Variants in TAX1BP1 observed in about 807,000 individuals in gnomAD.
TAX1BP1 encodes the protein tax1-binding protein 1.
A neutral mutation model predicts 97.7 loss-of-function variants in TAX1BP1; 62 were observed. The ratio of observed to expected loss-of-function variants is 0.63; its 90% CI spans 0.52 to 0.78. The LOEUF is 0.78. Ranked by LOEUF, TAX1BP1 falls within the 30% of genes least tolerant of loss-of-function variation. The pLI is 0.00. For missense variants in TAX1BP1, 867 were observed against 916.1 expected, an observed-to-expected ratio of 0.95 and a Z score of 0.69; for synonymous variants, 340 against 304.2, an observed-to-expected ratio of 1.12 and a Z score of -1.23.
chr7:27,811,562 T>G (rs1790560990), intron 13 of TAX1BP1, among the ~76,000 whole-genome samples: 2 of 151,834 alleles, frequency 1.3e-5, no homozygotes, highest in Non-Finnish European at 2.9e-5. Flanking sequence ...TCTTATATCC[T>G]TTGTTAATAA....
intron 15 of TAX1BP1, among the ~76,000 whole-genome samples, chr7:27,827,197 A>T (rs189556328): frequency 4.2e-4 from 64 of 152,252 alleles, no homozygotes; most frequent in Non-Finnish European, 6.8e-4. Context: ...ACTAAAAAAT[A>T]CAAAAATTAG....
intron 2 of TAX1BP1, among the ~76,000 whole-genome samples, chr7:27,749,482 A>G (rs757819236): frequency 6.6e-6 from 1 of 152,128 alleles, no homozygotes; most frequent in African/African-American, 2.4e-5. Context: ...TGAAATTTTG[A>G]TTGTCTAATC....
chr7:27,827,804 T>G lies in TAX1BP1; in HGVS notation c.2152T>G (p.Phe718Val). Residue 718 changes from phenylalanine (F) to valine (V), a missense_variant, in exon 16 of 17, where the codon TTT becomes GTT. By Grantham distance (50) the Phe-to-Val change is conservative. Transcript: ENST00000396319. ...ACATTTACGTGGGCATGGGACAGGC[T>G]TTTGCTTTGATTCCAGGTAGTTTTC... Reference protein sequence around the residue: ...SQHLRGHGTGFCFDSSFDVHK... With the variant: ...SQHLRGHGTGVCFDSSFDVHK... 2 of 1,613,818 alleles carry G rather than the reference T, an allele frequency of 1.2e-6. No individual in the cohort carries two copies.
At position 27,769,542 on chromosome 7, in the gene TAX1BP1, T is replaced by G. The variant is rs1209710896; in HGVS notation, c.454-134T>G. ...AAGGCTAAAAAAAGGCTGATTGATATAAAGTAGGTAGAATGTAAGAGTTCT... is the reference window on the plus strand; with the variant it reads ...AAGGCTAAAAAAAGGCTGATTGATAGAAAGTAGGTAGAATGTAAGAGTTCT... On this transcript the variant is annotated intron_variant, in intron 4 of 16. Transcript: ENST00000396319. 12 of 666,720 alleles carry G rather than the reference T, an allele frequency of 1.8e-5. No homozygotes were observed. The East Asian group carries it at 3.2e-4, about 18-fold the overall frequency. 41.3% of individuals were successfully genotyped at this position (666,720 alleles called of 1,614,324 possible).
chr7:27,751,316 A>G (rs1481035462), intron 2 of TAX1BP1, among the ~76,000 whole-genome samples: 2 of 152,234 alleles, frequency 1.3e-5, no homozygotes, highest in African/African-American at 4.8e-5. Flanking sequence ...AAGGAAGAAA[A>G]TAATCATGCT....
chr7:27,788,343 A>T (rs1259144415), intron 8 of TAX1BP1, among the ~76,000 whole-genome samples: 1 of 152,040 alleles, frequency 6.6e-6, no homozygotes, highest in Non-Finnish European at 1.5e-5. Context: ...CTGTCTCTAT[A>T]TAGGTGCCTT....
chr7:27,791,505 G>T (rs1231275044), intron 8 of TAX1BP1, among the ~76,000 whole-genome samples: 1 of 152,022 alleles, frequency 6.6e-6, no homozygotes, highest in Non-Finnish European at 1.5e-5. Flanking sequence ...TTAGAACTAA[G>T]GCCTAAATCT....
At chr7:27,766,540 A>G (rs1468120310) in intron 4 of TAX1BP1, among the ~76,000 whole-genome samples, 1 of 151,004 alleles carries the variant, frequency 6.6e-6, no homozygotes, top group East Asian at 1.9e-4. Context: ...TTTTGGCCAC[A>G]ATTATGCTGT....
chr7:27,792,117 C>T lies in TAX1BP1; in HGVS notation c.1150C>T (p.Arg384Ter), dbSNP rs1254830196. The change falls in exon 9 of 17, where the codon CGA becomes TGA. Residue 384 changes from arginine to a stop codon, truncating the protein, a stop_gained. Coordinates refer to ENST00000396319, the MANE Select transcript of TAX1BP1 (RefSeq NM_006024.7). LOFTEE classifies it high-confidence loss of function. The stretch of plus-strand genomic sequence containing the variant: ...AGAACTCAGTGATGCTGTCAACGTA[C>T]GAGACAGAACGATGGCAGACCTGCA... ...AKELSDAVNV[R>*]DRTMADLHTA... 3.1e-6 allele frequency: 5 copies of T among 1,613,942 alleles called. No individual in the cohort carries two copies. The highest frequency in any genetic ancestry group is 2.2e-5 in the South Asian group (2 of 91,080).
In TAX1BP1 at chr7:27,828,905, G is replaced by T; in HGVS notation, c.*76G>T. ...AACCACACCTAAAATAGACCACTGA[G>T]GAGACCATAGAGCGGATGCTTTCAT... On this transcript the variant is annotated 3_prime_UTR_variant, in exon 17 of 17. Coordinates refer to ENST00000396319, the MANE Select transcript of TAX1BP1 (RefSeq NM_006024.7). 8.1e-7 allele frequency: 1 copy of T among 1,236,082 alleles called. No individual in the cohort carries two copies. The highest frequency in any genetic ancestry group is 2.4e-5 in the East Asian group (1 of 41,730). 76.6% of individuals were successfully genotyped at this position (1,236,082 alleles called of 1,614,324 possible). A position where few individuals can be genotyped will look rare whatever the true frequency, so the allele number is the denominator to read the frequency against.
At chr7:27,748,418 C>A in intron 1 of TAX1BP1, 100 bp from the exon 2 acceptor site, 2 of 789,282 alleles carry the variant, frequency 2.5e-6, no homozygotes, top group Non-Finnish European at 3.6e-6. Flanking sequence ...TTATGACATG[C>A]AAATATTCAT....
intron 1 of TAX1BP1, among the ~76,000 whole-genome samples, chr7:27,742,676 C>T (rs183140723): frequency 6.6e-5 from 10 of 152,300 alleles, no homozygotes; most frequent in Admixed American, 1.3e-4. Flanking sequence ...CCATGTTGGT[C>T]AGGCTAGTGT....
chr7:27,751,127 A>C (rs1415659340), intron 2 of TAX1BP1, among the ~76,000 whole-genome samples: 1 of 152,172 alleles, frequency 6.6e-6, no homozygotes, highest in Non-Finnish European at 1.5e-5. Context: ...TTGCTTTGGT[A>C]ATGCTAAACT....
At chr7:27,763,399 T>C (rs1273601764) in intron 3 of TAX1BP1, among the ~76,000 whole-genome samples, 7 of 152,226 alleles carry the variant, frequency 4.6e-5, no homozygotes, top group African/African-American at 1.4e-4. Context: ...CTCTGAATAA[T>C]TATGTCTATC....
At chr7:27,804,967 T>C (rs1790280105) in intron 13 of TAX1BP1, among the ~76,000 whole-genome samples, 1 of 152,220 alleles carries the variant, frequency 6.6e-6, no homozygotes, top group African/African-American at 2.4e-5. Context: ...TTACAAATAA[T>C]ACTGCAATGA....
intron 13 of TAX1BP1, among the ~76,000 whole-genome samples, chr7:27,809,921 T>G (rs531977122): frequency 3.8e-4 from 58 of 152,176 alleles, no homozygotes; most frequent in African/African-American, 1.1e-3. Context: ...TTTTTTTTTT[T>G]GGGAGACGGA....
At chr7:27,752,359 C>T (rs1478371474) in intron 2 of TAX1BP1, among the ~76,000 whole-genome samples, 1 of 152,182 alleles carries the variant, frequency 6.6e-6, no homozygotes, top group Non-Finnish European at 1.5e-5. Flanking sequence ...GGAATAATGT[C>T]ATAGGGAATC....
At chr7:27,803,024 G>T (rs1048921910) in intron 13 of TAX1BP1, 2 of 1,281,002 alleles carry the variant, frequency 1.6e-6, no homozygotes, top group Admixed American at 2.8e-5. Context: ...AATTATTTTC[G>T]TAAAACAGTA....
intron 8 of TAX1BP1, among the ~76,000 whole-genome samples, chr7:27,791,129 T>A (rs1789690205): frequency 6.6e-6 from 1 of 152,148 alleles, no homozygotes; most frequent in Non-Finnish European, 1.5e-5. Context: ...GTTGGCGATC[T>A]TTTTATAGGT....
Sources: gnomAD v4.1 joint callset for allele counts (sites outside exome capture counted in the v4.1 genomes callset) on GRCh38, gnomAD v4.1.1 for gene constraint, MANE v1.5 for transcripts, NCBI Gene and HGNC (gene_info 2026-07-23, HGNC 2026-07-21) for gene names.